PCNX1: variants seen among roughly 807,000 people sequenced by gnomAD.
PCNX1 encodes pecanex-like protein 1.
In PCNX1, 78 loss-of-function variants were observed where a neutral mutation model predicts 242.2. The observed-to-expected ratio is 0.32, with a 90% CI of 0.27 to 0.39. The LOEUF is 0.39. Ranked by LOEUF, PCNX1 falls within the 10% of genes least tolerant of loss-of-function variation. The pLI is 1.00. For synonymous variants in PCNX1, 1,024 were observed against 1,032.9 expected (o/e 0.99, Z 0.17); for missense variants, 2,581 against 2,856.5 (o/e 0.90, Z 2.20).
intron 2 of PCNX1, among the ~76,000 whole-genome samples, chr14:70,952,585 T>TC (rs1435159996): frequency 1.3e-5 from 2 of 152,168 alleles, no homozygotes; most frequent in African/African-American, 4.8e-5. Flanking sequence ...TGAGAGATTT[T>TC]TTTTTTGCAC....
At chr14:70,954,467 TA>T (rs2057912699) in intron 2 of PCNX1, among the ~76,000 whole-genome samples, 1 of 152,224 alleles carries the variant, frequency 6.6e-6, no homozygotes, top group African/African-American at 2.4e-5. Flanking sequence ...GGAGCTACAC[TA>T]AATTTGTAGG....
rs771954714 is a variant in PCNX1 at position 70,978,623 on chromosome 14, G to A, written c.2286G>A (p.Gly762=). Residue 762 remains glycine (G), a synonymous_variant, in exon 6 of 36, where the codon GGG becomes GGA. Coordinates refer to ENST00000304743, the MANE Select transcript of PCNX1 (RefSeq NM_014982.3). ...CAAACCAGGTTGCATTTCCTGAAGGGGAAGAGCAAGATGCAGTCAGTGGAG... is the reference window on the plus strand; with the variant it reads ...CAAACCAGGTTGCATTTCCTGAAGGAGAAGAGCAAGATGCAGTCAGTGGAG... ...SLPNQVAFPE[G]EEQDAVSGAA... is the part of the protein sequence containing the mutation. 6.2e-7 allele frequency: 1 copy of A among 1,612,976 alleles called. No individual in the cohort carries two copies. The highest frequency in any genetic ancestry group is 8.5e-7 in the Non-Finnish European group (1 of 1,179,504).
intron 7 of PCNX1, among the ~76,000 whole-genome samples, chr14:70,990,407 A>AT (rs1470146794): frequency 5.3e-5 from 8 of 151,700 alleles, no homozygotes; most frequent in Non-Finnish European, 7.4e-5. Flanking sequence ...AAAATAAAAA[A>AT]AAAAAAATTA....
At chr14:70,982,242 C>T (rs1282896806) in intron 6 of PCNX1, among the ~76,000 whole-genome samples, 1 of 152,130 alleles carries the variant, frequency 6.6e-6, no homozygotes, top group African/African-American at 2.4e-5. Context: ...TAGAAGGACT[C>T]TCAAGTCTAA....
intron 26 of PCNX1, among the ~76,000 whole-genome samples, chr14:71,061,763 G>T (rs2061331642): frequency 6.6e-6 from 1 of 152,190 alleles, no homozygotes; most frequent in South Asian, 2.1e-4. Flanking sequence ...ACATGGCTGT[G>T]GTTGGGATGG....
At chr14:70,925,278 G>A (rs1046325178) in intron 1 of PCNX1, among the ~76,000 whole-genome samples, 1 of 152,154 alleles carries the variant, frequency 6.6e-6, no homozygotes, top group Non-Finnish European at 1.5e-5. Flanking sequence ...CATGAGCCAC[G>A]AAGCCCGGCT....
At chr14:70,959,501 T>C (rs968874603) in intron 2 of PCNX1, among the ~76,000 whole-genome samples, 2 of 151,466 alleles carry the variant, frequency 1.3e-5, no homozygotes, top group African/African-American at 2.4e-5. Context: ...GTTCTTGCGA[T>C]AGTTTACTGA....
intron 33 of PCNX1, among the ~76,000 whole-genome samples, chr14:71,106,107 G>T (rs1595519291): frequency 6.6e-6 from 1 of 151,964 alleles, no homozygotes; most frequent in East Asian, 1.9e-4. Flanking sequence ...TCTGCCTCCT[G>T]GGTTCACACC....
chr14:70,929,961 A>G (rs1334846110), intron 1 of PCNX1, among the ~76,000 whole-genome samples: 1 of 152,246 alleles, frequency 6.6e-6, no homozygotes, highest in African/African-American at 2.4e-5. Context: ...TTCTTTAAAT[A>G]AAAGTATAGG....
intron 1 of PCNX1, among the ~76,000 whole-genome samples, chr14:70,928,062 AT>A (rs1220690910): frequency 2.0e-5 from 3 of 152,028 alleles, no homozygotes; most frequent in Non-Finnish European, 1.5e-5. Context: ...CTTTGACCTA[AT>A]ACTTTCATTA....
At chr14:70,962,930 A>G (rs2058267880) in intron 3 of PCNX1, among the ~76,000 whole-genome samples, 1 of 152,192 alleles carries the variant, frequency 6.6e-6, no homozygotes, top group Non-Finnish European at 1.5e-5. Flanking sequence ...AGATGATTTC[A>G]TTGGGTAGAG....
intron 3 of PCNX1, 138 bp from the exon 4 acceptor site, chr14:70,968,060 G>A (rs1258753141): frequency 7.3e-6 from 5 of 684,664 alleles, no homozygotes; most frequent in Admixed American, 5.1e-5. Flanking sequence ...TGTCCAACAA[G>A]TATCTTCTAA....
At chr14:71,078,549 G>A (rs1450506164) in intron 28 of PCNX1, 1 of 152,150 alleles carries the variant, frequency 6.6e-6, no homozygotes, top group Non-Finnish European at 1.5e-5. Context: ...AGAATTCTTG[G>A]TGAGAATTTC....
At chr14:70,942,312 A>C (rs1229427396) in intron 1 of PCNX1, among the ~76,000 whole-genome samples, 1 of 152,244 alleles carries the variant, frequency 6.6e-6, no homozygotes, top group Non-Finnish European at 1.5e-5. Flanking sequence ...ACAATAATTA[A>C]AAAGGTTTTT....
chr14:71,067,567 A>G (rs778564161), intron 26 of PCNX1, among the ~76,000 whole-genome samples: 5 of 151,970 alleles, frequency 3.3e-5, no homozygotes, highest in Admixed American at 6.6e-5. Context: ...TCCTAGCTTC[A>G]TTGATTTTTT....
intron 26 of PCNX1, chr14:71,060,713 G>C (rs1486784646): frequency 6.6e-6 from 1 of 152,162 alleles, no homozygotes; most frequent in African/African-American, 2.4e-5. Flanking sequence ...GCCATTAAAG[G>C]ATCTGCTTCA....
At chr14:71,040,359 T>G (rs1409750404) in intron 19 of PCNX1, among the ~76,000 whole-genome samples, 2 of 152,196 alleles carry the variant, frequency 1.3e-5, no homozygotes, top group East Asian at 3.8e-4. Flanking sequence ...TAGATAACTT[T>G]TTTTCTGTAC....
intron 3 of PCNX1, among the ~76,000 whole-genome samples, chr14:70,964,371 A>G (rs2058314879): frequency 6.6e-6 from 1 of 152,026 alleles, no homozygotes; most frequent in Non-Finnish European, 1.5e-5. Context: ...CCAGCCTTAG[A>G]TTGATACTTT....
chr14:70,928,759 G>A (rs1167127424), intron 1 of PCNX1, among the ~76,000 whole-genome samples: 1 of 152,140 alleles, frequency 6.6e-6, no homozygotes, highest in African/African-American at 2.4e-5. Context: ...GTCTCCAGAT[G>A]ATACCATCCG....
Sources: gnomAD v4.1 joint callset for allele counts (sites outside exome capture counted in the v4.1 genomes callset) on GRCh38, gnomAD v4.1.1 for gene constraint, MANE v1.5 for transcripts, NCBI Gene and HGNC (gene_info 2026-07-23, HGNC 2026-07-21) for gene names.